ZNF423: variants seen among roughly 807,000 people sequenced by gnomAD.
ZNF423 encodes zinc finger protein 423.
A neutral mutation model predicts 95.8 loss-of-function variants in ZNF423; 12 were observed. The ratio of observed to expected loss-of-function variants is 0.13; its 90% CI spans 0.08 to 0.20. The LOEUF (loss-of-function observed/expected upper bound fraction) is 0.20, where lower values mean the gene tolerates loss of function less well. ZNF423 is among the 10% of genes least tolerant of loss of function. ZNF423 has a pLI of 1.00. For missense variants in ZNF423, 1,316 were observed against 1,737.1 expected (o/e 0.76, Z 4.31); for synonymous variants, 749 against 711.9 (o/e 1.05, Z -0.83).
intron 3 of ZNF423, among the ~76,000 whole-genome samples, chr16:49,720,626 T>C (rs1442749181): frequency 6.6e-6 from 1 of 152,226 alleles, no homozygotes; most frequent in African/African-American, 2.4e-5. Context: ...AGGATTCTGC[T>C]TCCCTAAAAT....
intron 5 of ZNF423, among the ~76,000 whole-genome samples, chr16:49,552,919 G>A (rs559057947): frequency 1.1e-4 from 16 of 152,064 alleles, no homozygotes; most frequent in South Asian, 4.2e-4. Flanking sequence ...ACCTGGACCC[G>A]CTCTACCCTG....
At chr16:49,516,779 C>A (rs1209253791) in intron 7 of ZNF423, among the ~76,000 whole-genome samples, 1 of 152,230 alleles carries the variant, frequency 6.6e-6, no homozygotes, top group Non-Finnish European at 1.5e-5. Flanking sequence ...CTACCCCCAG[C>A]CACAGCTCAC....
At chr16:49,581,337 A>T (rs952240334) in intron 5 of ZNF423, among the ~76,000 whole-genome samples, 5 of 152,268 alleles carry the variant, frequency 3.3e-5, no homozygotes. Flanking sequence ...TGAGATGCGC[A>T]GCCCCATCGT....
intron 5 of ZNF423, among the ~76,000 whole-genome samples, chr16:49,559,502 G>T (rs1402246225): frequency 1.3e-5 from 2 of 152,150 alleles, no homozygotes; most frequent in African/African-American, 4.8e-5. Flanking sequence ...CAGAATGAGT[G>T]GTTGGACCCA....
At chr16:49,544,605 G>A (rs928202878) in intron 5 of ZNF423, among the ~76,000 whole-genome samples, 1 of 152,204 alleles carries the variant, frequency 6.6e-6, no homozygotes, top group Non-Finnish European at 1.5e-5. Context: ...ATGGATGAGT[G>A]AATGAATAAC....
chr16:49,848,700 AAC>A (rs1442070763), intron 1 of ZNF423, among the ~76,000 whole-genome samples: 4 of 152,184 alleles, frequency 2.6e-5, no homozygotes, highest in African/African-American at 7.2e-5. Context: ...ATTGGAGAAA[AAC>A]AAAATTAGTC....
At chr16:49,823,231 G>T (rs912662146) in intron 1 of ZNF423, among the ~76,000 whole-genome samples, 1 of 152,184 alleles carries the variant, frequency 6.6e-6, no homozygotes, top group Non-Finnish European at 1.5e-5. Context: ...TCACTACCTG[G>T]ACAGAAGCCT....
intron 7 of ZNF423, among the ~76,000 whole-genome samples, chr16:49,506,621 T>A (rs981282539): frequency 1.4e-5 from 2 of 145,828 alleles, no homozygotes; most frequent in East Asian, 2.0e-4. Flanking sequence ...GATGGATGGA[T>A]GGATAGATGA....
chr16:49,600,550 C>T (rs914123160), intron 5 of ZNF423, among the ~76,000 whole-genome samples: 9 of 152,064 alleles, frequency 5.9e-5, no homozygotes, highest in African/African-American at 1.2e-4. Context: ...GGCAACTTCT[C>T]GGTCTCAGTC....
intron 5 of ZNF423, among the ~76,000 whole-genome samples, chr16:49,615,296 T>G (rs558143341): frequency 6.6e-6 from 1 of 152,134 alleles, no homozygotes; most frequent in African/African-American, 2.4e-5. Context: ...AATAATGTTT[T>G]AGTAGAGTAT....
intron 1 of ZNF423, among the ~76,000 whole-genome samples, chr16:49,837,994 C>T (rs2035138953): frequency 6.6e-6 from 1 of 152,226 alleles, no homozygotes; most frequent in Non-Finnish European, 1.5e-5. Flanking sequence ...AAGCCGTAAG[C>T]TCCCTGAAGG....
intron 2 of ZNF423, among the ~76,000 whole-genome samples, chr16:49,757,570 A>G (rs2033750287): frequency 6.6e-6 from 1 of 152,204 alleles, no homozygotes; most frequent in Non-Finnish European, 1.5e-5. Flanking sequence ...CTCACCTGTC[A>G]GTAACTTCTA....
intron 2 of ZNF423, among the ~76,000 whole-genome samples, chr16:49,732,015 G>A (rs1287836189): frequency 2.6e-5 from 4 of 152,168 alleles, no homozygotes; most frequent in Admixed American, 1.3e-4. Flanking sequence ...CTTCTTCAAA[G>A]CCACCATTAT....
rs573236278 is a variant in ZNF423, at chr16:49,491,226, G to C, written c.*49C>G. 3 of 1,612,436 alleles carry C rather than the reference G, an allele frequency of 1.9e-6. No individual in the cohort carries two copies. Among genetic ancestry groups the C allele is most frequent in the Non-Finnish European group, 2.5e-6 (3 of 1,178,674 alleles). ...GTAATGTTCAAATGGCCCTCCCCAC[G>C]GCGTCTCCGGCAAGCCTTCTGCGGA... On this transcript the variant is annotated 3_prime_UTR_variant, in exon 8 of 8. Coordinates refer to ENST00000563137, the MANE Select transcript of ZNF423 (RefSeq NM_001379286.1).
intron 2 of ZNF423, among the ~76,000 whole-genome samples, chr16:49,750,295 C>A (rs751682908): frequency 1.3e-5 from 2 of 152,198 alleles, no homozygotes; most frequent in Non-Finnish European, 1.5e-5. Flanking sequence ...GGTTTTGTCA[C>A]TAACATTTAA....
intron 2 of ZNF423, among the ~76,000 whole-genome samples, chr16:49,744,809 C>G (rs1379861258): frequency 6.6e-6 from 1 of 152,212 alleles, no homozygotes; most frequent in East Asian, 1.9e-4. Flanking sequence ...TACATGCACA[C>G]GCACACCCCA....
intron 3 of ZNF423, among the ~76,000 whole-genome samples, chr16:49,656,435 C>T (rs941415949): frequency 3.9e-5 from 6 of 151,952 alleles, no homozygotes; most frequent in Middle Eastern, 3.4e-3. Context: ...TGCTTGAACC[C>T]AGGGGGCAGA....
At position 49,620,519 on chromosome 16, in the gene ZNF423, C is replaced by T. The variant is rs373006525; in HGVS notation, c.3601+5651G>A. On this transcript the variant is annotated intron_variant, in intron 5 of 7. Transcript: ENST00000563137. Reference sequence around the variant, plus strand: ...AAGCAGGCCTCCGGAATGACTAATGCCCCACCGGGACAGGCCTGGCTCTGG... The same window carrying T: ...AAGCAGGCCTCCGGAATGACTAATGTCCCACCGGGACAGGCCTGGCTCTGG... Among the ~76,000 whole-genome samples the T allele has an allele frequency of 2.6e-3, 403 of 152,286 alleles. 1 individual carries two copies. Among genetic ancestry groups the T allele is most frequent in the African/African-American group, 9.4e-3 (390 of 41,556 alleles).
intron 1 of ZNF423, among the ~76,000 whole-genome samples, chr16:49,809,975 G>A (rs2034726344): frequency 6.6e-6 from 1 of 151,608 alleles, no homozygotes; most frequent in Admixed American, 6.6e-5. Context: ...CTTCCCTCGA[G>A]GACAGGGGCA....
Sources: allele counts gnomAD v4.1 joint callset (sites outside exome capture counted in the v4.1 genomes callset), GRCh38; gene constraint gnomAD v4.1.1; transcripts MANE v1.5; gene names NCBI Gene and HGNC (gene_info 2026-07-23, HGNC 2026-07-21).